ZNF493: variants seen among roughly 807,000 people sequenced by gnomAD.
The protein encoded by ZNF493 is zinc finger protein 493.
A neutral mutation model predicts 12.2 loss-of-function variants in ZNF493; 11 were observed. The observed-to-expected ratio is 0.90, with a 90% CI of 0.57 to 1.50. The LOEUF (loss-of-function observed/expected upper bound fraction) is 1.50. Ranked by LOEUF, ZNF493 falls within the 40% of genes most tolerant of loss-of-function variation. ZNF493 has a pLI of 0.00. For missense variants in ZNF493, 950 were observed against 906.6 expected, an observed-to-expected ratio of 1.05 and a Z score of -0.61; for synonymous variants, 286 against 302.6, an observed-to-expected ratio of 0.95 and a Z score of 0.57.
At chr19:21,415,762 C>A (rs946789519) in intron 3 of ZNF493, among the ~76,000 whole-genome samples, 1 of 152,052 alleles carries the variant, frequency 6.6e-6, no homozygotes, top group Non-Finnish European at 1.5e-5. Flanking sequence ...GGCTGCTAAG[C>A]GTTGTTGTTT....
At chr19:21,400,681 CT>C (rs2029907741) in intron 1 of ZNF493, among the ~76,000 whole-genome samples, 1 of 152,082 alleles carries the variant, frequency 6.6e-6, no homozygotes, top group Non-Finnish European at 1.5e-5. Flanking sequence ...AGCCTTTCTG[CT>C]GACAGAAGCT....
chr19:21,421,461 G>T (rs919395965), intron 3 of ZNF493, among the ~76,000 whole-genome samples: 6 of 151,976 alleles, frequency 3.9e-5, no homozygotes, highest in Non-Finnish European at 8.8e-5. Context: ...CACCTCCCAG[G>T]TTCAAGCAAT....
At chr19:21,405,730 A>C (rs746169469) in intron 2 of ZNF493, 31 bp from the exon 3 acceptor site, 2 of 1,569,596 alleles carry the variant, frequency 1.3e-6, no homozygotes, top group Non-Finnish European at 1.8e-6. Context: ...AATATGAGCA[A>C]GATTCATGTT....
In ZNF493 at chr19:21,424,864, T is replaced by C; in HGVS notation, c.2205T>C (p.His735=). The C allele has an allele frequency of 6.2e-7, 1 of 1,613,442 alleles. No individual in the cohort carries two copies. Among genetic ancestry groups the C allele is most frequent in the Non-Finnish European group, 8.5e-7 (1 of 1,179,642 alleles). ...SSNLIKHKLI[H]TGDKPYKCEA... ...ACCTTATTAAACATAAGCTAATTCA[T>C]ACTGGAGACAAACCCTACAAATGTG... The change falls in exon 4 of 4, where the codon CAT becomes CAC. Residue 735 remains histidine (H), a synonymous_variant. Transcript: ENST00000392288.
rs538478491 is a variant in ZNF493, at chr19:21,397,167, C to T, written c.-71C>T. 5 of 1,581,248 alleles carry T rather than the reference C, an allele frequency of 3.2e-6. No individual in the cohort carries two copies. The highest frequency in any genetic ancestry group is 4.3e-6 in the Non-Finnish European group (5 of 1,150,034). ...CTCTGCTGCCGGAGCTCCAGGTCTACCCTTCACTGCTCTGTGTCCTCAGCG... is the reference window on the plus strand; with the variant it reads ...CTCTGCTGCCGGAGCTCCAGGTCTATCCTTCACTGCTCTGTGTCCTCAGCG... On this transcript the variant is annotated 5_prime_UTR_variant, in exon 1 of 4. Transcript: ENST00000392288.
In ZNF493 at chr19:21,425,814, A is replaced by T; in HGVS notation, c.*830A>T. ...TGGCAAAGCCTTTATCCAGTCCTCA[A>T]CTCCTAGTAAACATAATTAATGATG... is the stretch of plus-strand genomic sequence containing the variant. On this transcript the variant is annotated 3_prime_UTR_variant, in exon 4 of 4. Transcript: ENST00000392288. The T allele has an allele frequency of 3.6e-6, 2 of 560,470 alleles. No individual in the cohort carries two copies. Among genetic ancestry groups the T allele is most frequent in the South Asian group, 2.8e-5 (2 of 70,520 alleles). 34.7% of individuals were successfully genotyped at this position (560,470 alleles called of 1,614,324 possible). A position where few individuals can be genotyped will look rare whatever the true frequency, so the allele number is the denominator to read the frequency against.
At position 21,424,582 on chromosome 19, in the gene ZNF493, C is replaced by G; in HGVS notation, c.1923C>G (p.Ser641=). Residue 641 remains serine, a synonymous_variant, in exon 4 of 4, where the codon TCC becomes TCG. Coordinates refer to ENST00000392288, the MANE Select transcript of ZNF493 (RefSeq NM_001076678.3). ...CEECGKAFKR[S]SHLAGHKQIH... is the part of the protein sequence containing the mutation. ...AATGTGGCAAAGCTTTTAAGCGGTC[C>G]TCACACCTCGCTGGGCACAAGCAAA... is the stretch of plus-strand genomic sequence containing the variant. 1 of 1,611,604 alleles carries G rather than the reference C, an allele frequency of 6.2e-7. No homozygotes were observed. Among genetic ancestry groups the G allele is most frequent in the Non-Finnish European group, 8.5e-7 (1 of 1,179,262 alleles).
rs1453757523 is a variant in ZNF493, at chr19:21,405,210, T to C, written c.112T>C (p.Tyr38His). ...CCTGGACACTGCTCAGCAGGATTTGTATAGGAAAGTGATGTTAGAGAACTA... is the reference window on the plus strand; with the variant it reads ...CCTGGACACTGCTCAGCAGGATTTGCATAGGAAAGTGATGTTAGAGAACTA... ...QCLDTAQQDLYRKVMLENYRN... is the reference protein window; with the variant it reads ...QCLDTAQQDLHRKVMLENYRN... Residue 38 changes from tyrosine to histidine, a missense_variant, in exon 2 of 4, where the codon TAT (tyrosine) becomes CAT (histidine). Coordinates refer to ENST00000392288, the MANE Select transcript of ZNF493 (RefSeq NM_001076678.3). 1.9e-6 allele frequency: 3 copies of C among 1,613,914 alleles called. No homozygotes were observed. Among genetic ancestry groups the C allele is most frequent in the Admixed American group, 1.7e-5 (1 of 59,964 alleles).
chr19:21,415,508 T>C (rs2030460507), intron 3 of ZNF493, among the ~76,000 whole-genome samples: 1 of 152,196 alleles, frequency 6.6e-6, no homozygotes, highest in Admixed American at 6.5e-5. Context: ...GGAGTAGTAG[T>C]CTGAATTTTG....
At chr19:21,415,763 G>T (rs112738650) in intron 3 of ZNF493, among the ~76,000 whole-genome samples, 2 of 152,104 alleles carry the variant, frequency 1.3e-5, no homozygotes, top group African/African-American at 4.8e-5. Context: ...GCTGCTAAGC[G>T]TTGTTGTTTA....
In ZNF493 at chr19:21,423,103, T is replaced by C. The variant is rs745396308; in HGVS notation, c.444T>C (p.Thr148=). Reference sequence around the variant, plus strand: ...ATGAACTAAACCAGTATTTGACAACTACCCAGAGCAAAATATTTCAATGTG... The same window carrying C: ...ATGAACTAAACCAGTATTTGACAACCACCCAGAGCAAAATATTTCAATGTG... ...GYNELNQYLT[T]TQSKIFQCDK... is the part of the protein sequence containing the mutation. The change falls in exon 4 of 4, where the codon ACT becomes ACC. Residue 148 remains threonine (T), a synonymous_variant. Transcript: ENST00000392288. 5 of 1,613,706 alleles carry C rather than the reference T, an allele frequency of 3.1e-6. No homozygotes were observed. The highest frequency in any genetic ancestry group is 2.2e-5 in the East Asian group (1 of 44,796).
In ZNF493 at chr19:21,426,478, A is replaced by T. The variant is rs2030858420; in HGVS notation, c.*1494A>T. ...TCTTTCAGAAAATATTATCCTTTAA[A>T]GTGAAGGAGAGTATTTATATTAAAG... On this transcript the variant is annotated 3_prime_UTR_variant, in exon 4 of 4. Coordinates refer to ENST00000392288, the MANE Select transcript of ZNF493 (RefSeq NM_001076678.3). 6.0e-6 allele frequency: 1 copy of T among 167,512 alleles called. No individual in the cohort carries two copies. Among genetic ancestry groups the T allele is most frequent in the South Asian group, 2.1e-4 (1 of 4,848 alleles). 10.4% of individuals were successfully genotyped at this position (167,512 alleles called of 1,614,324 possible).
In ZNF493 at chr19:21,416,455, C is replaced by A. The variant is rs188618353; in HGVS notation, c.254-6458C>A. On this transcript the variant is annotated intron_variant, in intron 3 of 3. Coordinates refer to ENST00000392288, the MANE Select transcript of ZNF493 (RefSeq NM_001076678.3). ...TTCACAATGTAAAATATAACTACTT[C>A]GATATACTTCAGGGGCTTTACCAAC... Among the ~76,000 whole-genome samples, 164 of 149,398 alleles carry A rather than the reference C, an allele frequency of 1.1e-3. 1 individual carries two copies. The highest frequency in any genetic ancestry group is 4.8e-3 in the Admixed American group (71 of 14,892).
At chr19:21,398,941 C>A (rs1203600868) in intron 1 of ZNF493, 1 of 156,056 alleles carries the variant, frequency 6.4e-6, no homozygotes, top group Non-Finnish European at 1.4e-5. Context: ...AAAAGACAAA[C>A]AACAAGAACA....
intron 3 of ZNF493, among the ~76,000 whole-genome samples, chr19:21,418,223 G>A (rs2030551920): frequency 6.6e-6 from 1 of 152,154 alleles, no homozygotes; most frequent in South Asian, 2.1e-4. Context: ...GTGTAGAAGG[G>A]TAGGGATGAA....
At chr19:21,402,734 G>A (rs189972578) in intron 1 of ZNF493, among the ~76,000 whole-genome samples, 11 of 152,240 alleles carry the variant, frequency 7.2e-5, no homozygotes. Context: ...ATCTTGTTTA[G>A]TGACCTGCTA....
At chr19:21,416,689 CG>C (rs1306119169) in intron 3 of ZNF493, among the ~76,000 whole-genome samples, 1 of 152,138 alleles carries the variant, frequency 6.6e-6, no homozygotes, top group African/African-American at 2.4e-5. Flanking sequence ...TCCTCCTGTT[CG>C]TTTAATTTCA....
At chr19:21,405,906 T>TAAAA in intron 3 of ZNF493, 50 bp downstream of exon 3, 2 of 320,840 alleles carry the variant, frequency 6.2e-6, no homozygotes, top group Non-Finnish European at 9.1e-6. Flanking sequence ...GTTGAAAGAT[T>TAAAA]TAAAAAAAAA....
At chr19:21,400,408 CA>C (rs542683703) in intron 1 of ZNF493, among the ~76,000 whole-genome samples, 23 of 144,174 alleles carry the variant, frequency 1.6e-4, no homozygotes, top group Admixed American at 2.8e-4. Context: ...GACTCCATCT[CA>C]AAAAAAAAAA....
Sources: gnomAD v4.1 joint callset for allele counts (sites outside exome capture counted in the v4.1 genomes callset) on GRCh38, gnomAD v4.1.1 for gene constraint, MANE v1.5 for transcripts, NCBI Gene and HGNC (gene_info 2026-07-23, HGNC 2026-07-21) for gene names.